The following IAPP variants were observed in gnomAD, a reference collection of about 807,000 sequenced individuals.
IAPP encodes the protein Islet amyloid polypeptide (diabetes-associated peptide; amylin).
In IAPP, 4 loss-of-function variants were observed where a neutral mutation model predicts 2.9. The observed-to-expected ratio is 1.39, with a 90% CI of 0.69 to 3.19. The LOEUF (loss-of-function observed/expected upper bound fraction) is 3.19, where lower values mean the gene tolerates loss of function less well. Ranked by LOEUF, IAPP falls within the 30% of genes most tolerant of loss-of-function variation. IAPP has a pLI of 0.01. For synonymous variants in IAPP, 40 were observed against 42.1 expected (o/e 0.95, Z 0.19); for missense variants, 114 against 105.3 (o/e 1.08, Z -0.36).
At chr12:21,374,340 A>G (rs550618985) in intron 2 of IAPP, 1 of 152,420 alleles carries the variant, frequency 6.6e-6, no homozygotes, top group African/African-American at 2.4e-5. Flanking sequence ...GTTTTGCTCC[A>G]TATAGTCTTA....
upstream of IAPP, among the ~76,000 whole-genome samples, chr12:21,368,803 T>C (rs1939578396): frequency 6.6e-6 from 1 of 152,160 alleles, no homozygotes; most frequent in South Asian, 2.1e-4. Context: ...GATGTACACC[T>C]AATATTGATA....
chr12:21,371,337 T>A (rs1361107300), upstream of IAPP, among the ~76,000 whole-genome samples: 13 of 152,176 alleles, frequency 8.5e-5, no homozygotes, highest in Admixed American at 7.9e-4. Context: ...GCCTCCTACC[T>A]CATATTCACC....
intron 2 of IAPP, among the ~76,000 whole-genome samples, chr12:21,375,401 T>C (rs1465828146): frequency 6.6e-6 from 1 of 152,198 alleles, no homozygotes; most frequent in Non-Finnish European, 1.5e-5. Flanking sequence ...GGAAAATCTA[T>C]GGGGAAAATG....
chr12:21,376,102 G>C (rs1184569677), intron 2 of IAPP, among the ~76,000 whole-genome samples: 1 of 152,138 alleles, frequency 6.6e-6, no homozygotes, highest in Non-Finnish European at 1.5e-5. Context: ...TAAGTGGAAT[G>C]ATGGCCCATC....
chr12:21,372,230 A>G (rs1276401346), upstream of IAPP, among the ~76,000 whole-genome samples: 7 of 152,158 alleles, frequency 4.6e-5, no homozygotes, highest in Non-Finnish European at 4.4e-5. Context: ...TCCAAAAACT[A>G]CTTGACTACA....
chr12:21,378,221 TG>T lies in IAPP; in HGVS notation c.81-15del. 1 of 1,613,084 alleles carries T rather than the reference TG, an allele frequency of 6.2e-7. No individual in the cohort carries two copies. The highest frequency in any genetic ancestry group is 8.5e-7 in the Non-Finnish European group (1 of 1,179,006). On this transcript the variant is annotated splice_polypyrimidine_tract_variant and intron_variant, in intron 2 of 2. Coordinates refer to ENST00000240652, the MANE Select transcript of IAPP (RefSeq NM_000415.3). ...TTCTAAGGCTCTAACTTTTCACATT[TG>T]TTCCATGTTACCAGTCATCAGGTGG...
At chr12:21,373,480 G>C in intron 2 of IAPP, 49 bp downstream of exon 2, 1 of 1,261,678 alleles carries the variant, frequency 7.9e-7, no homozygotes, top group Non-Finnish European at 1.2e-6. Context: ...TAAAGTGTGA[G>C]AAAATTAGAA....
At chr12:21,370,918 A>G (rs1939739082), upstream of IAPP, among the ~76,000 whole-genome samples, 1 of 152,194 alleles carries the variant, frequency 6.6e-6, no homozygotes, top group African/African-American at 2.4e-5. Flanking sequence ...TTTGTTCATG[A>G]AAGAGTTCAG....
At chr12:21,366,951 A>G (rs1302391196) in intron 1 of IAPP, among the ~76,000 whole-genome samples, 2 of 152,076 alleles carry the variant, frequency 1.3e-5, no homozygotes, top group African/African-American at 4.8e-5. Flanking sequence ...AAAAAATTCA[A>G]AAGTACTTTT....
At chr12:21,362,066 G>A (rs1011522100) in intron 1 of IAPP, among the ~76,000 whole-genome samples, 1 of 152,110 alleles carries the variant, frequency 6.6e-6, no homozygotes, top group Non-Finnish European at 1.5e-5. Context: ...TACTCCTCGA[G>A]AAGAGAAACT....
chr12:21,360,798 C>A (rs566903921), intron 1 of IAPP, among the ~76,000 whole-genome samples: 1 of 152,222 alleles, frequency 6.6e-6, no homozygotes, highest in Non-Finnish European at 1.5e-5. Context: ...GCTAGCACAG[C>A]AGTCTGAGAT....
In IAPP at chr12:21,378,497, T is replaced by C. The variant is rs1423565846; in HGVS notation, c.*71T>C. 3.2e-6 allele frequency: 4 copies of C among 1,236,778 alleles called. No individual in the cohort carries two copies. The highest frequency in any genetic ancestry group is 4.8e-6 in the Non-Finnish European group (4 of 838,580). 76.6% of individuals were successfully genotyped at this position (1,236,778 alleles called of 1,614,324 possible). On this transcript the variant is annotated 3_prime_UTR_variant, in exon 3 of 3. Coordinates refer to ENST00000240652, the MANE Select transcript of IAPP (RefSeq NM_000415.3). ...CCTGTATAATTTAACAGTGCCCTTT[T>C]CATCTCCAGTGTGAATATATGGTCT...
chr12:21,362,922 T>A (rs1939043856), intron 1 of IAPP, among the ~76,000 whole-genome samples: 1 of 152,208 alleles, frequency 6.6e-6, no homozygotes, highest in South Asian at 2.1e-4. Flanking sequence ...ACAAAGAGAC[T>A]TAGACTCCCA....
At chr12:21,358,113 A>G (rs932657394) in intron 1 of IAPP, among the ~76,000 whole-genome samples, 5 of 152,102 alleles carry the variant, frequency 3.3e-5, no homozygotes, top group Non-Finnish European at 4.4e-5. Context: ...TGGAATAGGC[A>G]TTTTTCACTT....
Position 21,378,492 on chromosome 12 carries a change from C to T in IAPP, c.*66C>T. Reference sequence around the variant, plus strand: ...GATTTCCTGTATAATTTAACAGTGCCCTTTTCATCTCCAGTGTGAATATAT... The same window carrying T: ...GATTTCCTGTATAATTTAACAGTGCTCTTTTCATCTCCAGTGTGAATATAT... On this transcript the variant is annotated 3_prime_UTR_variant, in exon 3 of 3. Transcript: ENST00000240652. 1 of 1,289,466 alleles carries T rather than the reference C, an allele frequency of 7.8e-7. No homozygotes were observed. Among genetic ancestry groups the T allele is most frequent in the Non-Finnish European group, 1.1e-6 (1 of 885,842 alleles). The allele number at this position is 1,289,466 out of a possible 1,614,324, so 79.9% of individuals were successfully genotyped here.
chr12:21,373,490 A>G (rs1939952645), intron 2 of IAPP, 59 bp downstream of exon 2: 1 of 1,116,314 alleles, frequency 9.0e-7, no homozygotes, highest in East Asian at 2.3e-5. Context: ...GAAAATTAGA[A>G]TTAAATACTG....
upstream of IAPP, among the ~76,000 whole-genome samples, chr12:21,371,899 G>C (rs1337886559): frequency 6.6e-6 from 1 of 152,018 alleles, no homozygotes; most frequent in Non-Finnish European, 1.5e-5. Context: ...CTACTCTGTA[G>C]GCTGAGGCAG....
At chr12:21,370,563 A>C (rs545578445), upstream of IAPP, among the ~76,000 whole-genome samples, 50 of 145,188 alleles carry the variant, frequency 3.4e-4, no homozygotes, top group Middle Eastern at 3.4e-3. Context: ...CCCACCTATG[A>C]GTGAGAACGT....
chr12:21,369,990 G>A (rs963087074), upstream of IAPP, among the ~76,000 whole-genome samples: 9 of 152,086 alleles, frequency 5.9e-5, no homozygotes, highest in African/African-American at 1.7e-4. Flanking sequence ...CCAGCATAAG[G>A]TCACATCTGG....
Sources: gnomAD v4.1 joint callset for allele counts (sites outside exome capture counted in the v4.1 genomes callset) on GRCh38, gnomAD v4.1.1 for gene constraint, MANE v1.5 for transcripts, NCBI Gene and HGNC (gene_info 2026-07-23, HGNC 2026-07-21) for gene names.